CSMD1: variants seen among roughly 807,000 people sequenced by gnomAD.
CSMD1 encodes CUB and sushi domain-containing protein 1.
In CSMD1, 213 loss-of-function variants were observed where a neutral mutation model predicts 417.5. The ratio of observed to expected loss-of-function variants is 0.51; its 90% confidence interval spans 0.46 to 0.57. The LOEUF (loss-of-function observed/expected upper bound fraction) is 0.57. CSMD1 is among the 20% of genes least tolerant of loss of function. The pLI is 0.00. For missense variants in CSMD1, 6,923 were observed against 4,529.7 expected (o/e 1.53, Z -15.17); for synonymous variants, 2,862 against 1,736.8 (o/e 1.65, Z -16.11).
chr8:3,649,724 G>A (rs1286109887), intron 7 of CSMD1, among the ~76,000 whole-genome samples: 1 of 152,132 alleles, frequency 6.6e-6, no homozygotes, highest in East Asian at 1.9e-4. Flanking sequence ...TTCAAGATGA[G>A]ATTTGAGTGG....
intron 42 of CSMD1, 133 bp downstream of exon 42, chr8:3,118,266 G>C: frequency 2.9e-6 from 2 of 687,988 alleles, no homozygotes; most frequent in Non-Finnish European, 2.4e-6. Flanking sequence ...AGTGGAGTGA[G>C]TAAAACATAA....
intron 5 of CSMD1, among the ~76,000 whole-genome samples, chr8:3,920,717 T>C (rs1809185752): frequency 6.9e-6 from 1 of 145,920 alleles, no homozygotes; most frequent in African/African-American, 2.6e-5. Context: ...TGCTTTTTTG[T>C]GCATCTATTG....
intron 33 of CSMD1, among the ~76,000 whole-genome samples, chr8:3,191,895 T>A (rs1466483160): frequency 6.6e-6 from 1 of 152,222 alleles, no homozygotes; most frequent in African/African-American, 2.4e-5. Flanking sequence ...TGTTTCTTCA[T>A]CCTAAATGCA....
At chr8:3,655,355 C>A (rs745776271) in intron 7 of CSMD1, among the ~76,000 whole-genome samples, 8 of 152,292 alleles carry the variant, frequency 5.3e-5, no homozygotes, top group African/African-American at 1.7e-4. Context: ...TTCCCTACAG[C>A]GAATTTGGCA....
At chr8:3,574,847 G>T (rs758552990) in intron 10 of CSMD1, 98 bp downstream of exon 10, 23 of 1,371,146 alleles carry the variant, frequency 1.7e-5, no homozygotes, top group Non-Finnish European at 2.2e-5. Flanking sequence ...ACAGTAAAGT[G>T]TAAGCACGGA....
chr8:4,170,454 C>G lies in CSMD1; in HGVS notation c.416-138355G>C, dbSNP rs1328589619. ...AATGTTCAAATACTTCCCCTTTTTC[C>G]TAATCTATAGGTGCCTCTACTTCCT... On this transcript the variant is annotated intron_variant, in intron 3 of 69. Transcript: ENST00000635120. Among the ~76,000 whole-genome samples, 2 of 151,794 alleles carry G rather than the reference C, an allele frequency of 1.3e-5. 1 individual carries two copies. Among genetic ancestry groups the G allele is most frequent in the African/African-American group, 4.9e-5 (2 of 41,110 alleles).
intron 1 of CSMD1, among the ~76,000 whole-genome samples, chr8:4,926,365 C>G (rs912762669): frequency 6.6e-6 from 1 of 152,180 alleles, no homozygotes; most frequent in African/African-American, 2.4e-5. Context: ...ACCATGAACT[C>G]TTTATCTTTA....
chr8:3,631,253 G>A (rs1796769164), intron 7 of CSMD1, among the ~76,000 whole-genome samples: 1 of 152,102 alleles, frequency 6.6e-6, no homozygotes, highest in Non-Finnish European at 1.5e-5. Flanking sequence ...TGTATCCTTC[G>A]TCGACTCAGC....
chr8:3,116,649 GTTA>G (rs1380606299), intron 42 of CSMD1, among the ~76,000 whole-genome samples: 4 of 152,188 alleles, frequency 2.6e-5, no homozygotes, highest in African/African-American at 9.7e-5. Flanking sequence ...GGTAGATTTT[GTTA>G]TTTTCACACT....
chr8:3,640,976 A>C (rs1797277114), intron 7 of CSMD1, among the ~76,000 whole-genome samples: 1 of 151,178 alleles, frequency 6.6e-6, no homozygotes, highest in Admixed American at 6.6e-5. Context: ...AATAAGCTTT[A>C]GAAAATATAC....
chr8:3,204,498 A>T (rs555422840), intron 31 of CSMD1, among the ~76,000 whole-genome samples: 1 of 152,286 alleles, frequency 6.6e-6, no homozygotes, highest in Admixed American at 6.5e-5. Flanking sequence ...GGAATCCAGA[A>T]CCCATTTTAA....
At chr8:3,256,643 T>G (rs1800677431) in intron 26 of CSMD1, among the ~76,000 whole-genome samples, 1 of 152,216 alleles carries the variant, frequency 6.6e-6, no homozygotes, top group African/African-American at 2.4e-5. Flanking sequence ...CCAACATGTG[T>G]GCCTTGCAAG....
At chr8:4,118,987 A>G (rs923901629) in intron 3 of CSMD1, among the ~76,000 whole-genome samples, 3 of 152,140 alleles carry the variant, frequency 2.0e-5, no homozygotes, top group African/African-American at 4.8e-5. Context: ...AAACTAACAC[A>G]AGAACGGCAA....
intron 2 of CSMD1, among the ~76,000 whole-genome samples, chr8:4,569,478 C>T (rs1177488584): frequency 1.3e-5 from 2 of 152,162 alleles, no homozygotes; most frequent in African/African-American, 2.4e-5. Flanking sequence ...ATTTCTGAGG[C>T]CTCTGTTCTG....
At chr8:4,573,017 G>A (rs1261915551) in intron 2 of CSMD1, among the ~76,000 whole-genome samples, 2 of 152,140 alleles carry the variant, frequency 1.3e-5, no homozygotes, top group African/African-American at 2.4e-5. Context: ...AGCAGTTCCT[G>A]TAATCTTTTA....
chr8:2,958,975 T>G (rs748605466), intron 62 of CSMD1, among the ~76,000 whole-genome samples: 135 of 152,362 alleles, frequency 8.9e-4, no homozygotes, highest in African/African-American at 3.0e-3. Flanking sequence ...TTCTAGCACT[T>G]GATAAAGTGG....
rs76123183 is a variant in CSMD1 at position 4,435,070 on chromosome 8, G to A, written c.303-15005C>T. 8.3e-3 allele frequency among the ~76,000 whole-genome samples: 1,266 copies of A among 151,894 alleles called. 22 individuals are homozygous for A. The highest frequency in any genetic ancestry group is 0.029 in the African/African-American group (1,182 of 41,414). On this transcript the variant is annotated intron_variant, in intron 2 of 69. Transcript: ENST00000635120. ...TAATATAGTTTGTGTGTAATATATC[G>A]GTGTAATAAAAATGGAAGCCATTAA...
At chr8:3,955,907 C>T (rs554728961) in intron 5 of CSMD1, among the ~76,000 whole-genome samples, 1 of 152,220 alleles carries the variant, frequency 6.6e-6, no homozygotes, top group Non-Finnish European at 1.5e-5. Flanking sequence ...TCAACCTTTG[C>T]CTCCCGGGTT....
At chr8:4,952,601 C>T (rs1259642132) in intron 1 of CSMD1, among the ~76,000 whole-genome samples, 1 of 151,650 alleles carries the variant, frequency 6.6e-6, no homozygotes, top group East Asian at 1.9e-4. Context: ...GTATTTAATT[C>T]ACAATTCACA....
Sources: gnomAD v4.1 joint callset for allele counts (sites outside exome capture counted in the v4.1 genomes callset) on GRCh38, gnomAD v4.1.1 for gene constraint, MANE v1.5 for transcripts, NCBI Gene and HGNC (gene_info 2026-07-23, HGNC 2026-07-21) for gene names.